GADL1: variants seen among roughly 807,000 people sequenced by gnomAD.
The protein encoded by GADL1 is GAD like acidic amino acid decarboxylase 1.
In GADL1, 71 loss-of-function variants were observed where a neutral mutation model predicts 69.5. The ratio of observed to expected loss-of-function variants is 1.02; its 90% CI spans 0.84 to 1.25. GADL1 has a LOEUF of 1.25. GADL1 is among the 50% of genes most tolerant of loss of function. The probability of loss-of-function intolerance (pLI) is 0.00; values close to 1 mark genes in which losing one functional copy is unlikely to be tolerated. For synonymous variants in GADL1, 254 were observed against 214.4 expected, an observed-to-expected ratio of 1.18 and a Z score of -1.62; for missense variants, 737 against 631.8, an observed-to-expected ratio of 1.17 and a Z score of -1.79.
Position 30,884,461 on chromosome 3 carries a change from C to T in GADL1, c.37+10117G>A, listed in dbSNP as rs183219042. On this transcript the variant is annotated intron_variant, in intron 1 of 14. Coordinates refer to ENST00000282538, the MANE Select transcript of GADL1 (RefSeq NM_207359.3). ...AACCAAATTCAGTTCCCTAAATCCA[C>T]GAGAGATGGAATCTGAGCACAGGTT... Among the ~76,000 whole-genome samples, 596 of 152,112 alleles carry T rather than the reference C, an allele frequency of 3.9e-3. 2 individuals are homozygous for T. Among genetic ancestry groups the T allele is most frequent in the African/African-American group, 0.013 (553 of 41,514 alleles).
chr3:30,783,072 C>G (rs569364023), intron 13 of GADL1, among the ~76,000 whole-genome samples: 62 of 152,248 alleles, frequency 4.1e-4, no homozygotes, highest in African/African-American at 1.5e-3. Context: ...AGGAAGTATT[C>G]AATCACAGGT....
chr3:30,780,569 CTAATA>C (rs1644532994), intron 13 of GADL1, among the ~76,000 whole-genome samples: 2 of 152,338 alleles, frequency 1.3e-5, no homozygotes, highest in Admixed American at 6.5e-5. Flanking sequence ...TGAGTGGACT[CTAATA>C]TGTCACCAAA....
intron 11 of GADL1, among the ~76,000 whole-genome samples, chr3:30,816,797 C>T (rs527598894): frequency 1.3e-5 from 2 of 152,046 alleles, no homozygotes; most frequent in African/African-American, 2.4e-5. Flanking sequence ...CCACCTGCCT[C>T]AGCCTCCCAA....
intron 3 of GADL1, 142 bp from the exon 4 acceptor site, chr3:30,854,931 A>T (rs955657721): frequency 3.6e-6 from 2 of 561,752 alleles, no homozygotes; most frequent in African/African-American, 3.8e-5. Flanking sequence ...CATTTATATG[A>T]CATTCAAAAC....
chr3:30,783,899 T>TCC (rs1696730950), intron 13 of GADL1, among the ~76,000 whole-genome samples: 1 of 152,170 alleles, frequency 6.6e-6, no homozygotes, highest in Non-Finnish European at 1.5e-5. Flanking sequence ...AAAGAACTTT[T>TCC]TAATCGGCCC....
intron 14 of GADL1, among the ~76,000 whole-genome samples, chr3:30,768,747 TCTCTGAGAATTTGACTTAG>T (rs1696347968): frequency 1.3e-5 from 2 of 152,210 alleles, no homozygotes; most frequent in African/African-American, 4.8e-5. Flanking sequence ...AACAATTTGA[TCTCTGAGAATTTGACTTAG>T]GTGAGTCTTT....
rs147792620 is a variant in GADL1, at chr3:30,890,852, G to T, written c.37+3726C>A. ...ACATACAATTTTCTGAACATAATAA[G>T]TCTATAACCTACTACCTGCCATGCA... On this transcript the variant is annotated intron_variant, in intron 1 of 14. Coordinates refer to ENST00000282538, the MANE Select transcript of GADL1 (RefSeq NM_207359.3). Among the ~76,000 whole-genome samples, 731 of 152,238 alleles carry T rather than the reference G, an allele frequency of 4.8e-3. 2 individuals are homozygous for T. The highest frequency in any genetic ancestry group is 7.6e-3 in the Non-Finnish European group (516 of 68,022).
rs767414167 is a variant in GADL1 at position 30,857,041 on chromosome 3, T to C, written c.311A>G (p.Asp104Gly). 2 of 1,549,614 alleles carry C rather than the reference T, an allele frequency of 1.3e-6. No homozygotes were observed. Among genetic ancestry groups the C allele is most frequent in the African/African-American group, 2.7e-5 (2 of 73,050 alleles). ...AGTTTTGACACTGTAGTGTATGACA[T>C]CCCGACAGAGTTCCAATAGTTTATG... ...PPHKLLELCR[D>G]VIHYSVKTNH... The change falls in exon 3 of 15, where the codon GAT (aspartate) becomes GGT (glycine). Residue 104 changes from aspartate to glycine, a missense_variant. Asp to Gly is a moderately conservative substitution (Grantham distance 94). Coordinates refer to ENST00000282538, the MANE Select transcript of GADL1 (RefSeq NM_207359.3).
intron 12 of GADL1, among the ~76,000 whole-genome samples, chr3:30,792,988 T>C (rs1696954041): frequency 6.6e-6 from 1 of 152,154 alleles, no homozygotes; most frequent in Non-Finnish European, 1.5e-5. Context: ...AAATCAACAG[T>C]GTCTGCATAT....
At position 30,850,789 on chromosome 3, in the gene GADL1, A is replaced by G. The variant is rs1019489569; in HGVS notation, c.535+46T>C. On this transcript the variant is annotated intron_variant, in intron 5 of 14. Transcript: ENST00000282538. Reference sequence around the variant, plus strand: ...AGTTGTTCCTCATGGATAAATTTTTACGTGGTTGTATTGGAAGGTTGATAT... The same window carrying G: ...AGTTGTTCCTCATGGATAAATTTTTGCGTGGTTGTATTGGAAGGTTGATAT... The G allele has an allele frequency of 4.5e-6, 5 of 1,113,650 alleles. No homozygotes were observed. In the African/African-American group the frequency reaches 7.8e-5, roughly 17 times the overall value. 69.0% of individuals were successfully genotyped at this position (1,113,650 alleles called of 1,614,324 possible).
chr3:30,877,744 A>C (rs1318091630), intron 1 of GADL1, among the ~76,000 whole-genome samples: 4 of 151,944 alleles, frequency 2.6e-5, no homozygotes, highest in Non-Finnish European at 5.9e-5. Flanking sequence ...CAAAGGAAGG[A>C]CTTTGATTTG....
intron 12 of GADL1, among the ~76,000 whole-genome samples, chr3:30,786,785 GTT>G (rs1696800271): frequency 6.6e-6 from 1 of 151,958 alleles, no homozygotes; most frequent in African/African-American, 2.4e-5. Context: ...AGAGTTTTTT[GTT>G]TTGTTTTGTT....
intron 11 of GADL1, among the ~76,000 whole-genome samples, chr3:30,817,380 T>C (rs144910137): frequency 1.1e-3 from 160 of 152,340 alleles, no homozygotes; most frequent in African/African-American, 3.7e-3. Flanking sequence ...CCACCAATCA[T>C]GGGTAAGTCA....
intron 12 of GADL1, among the ~76,000 whole-genome samples, chr3:30,787,390 C>G (rs919509093): frequency 6.6e-6 from 1 of 152,090 alleles, no homozygotes; most frequent in Non-Finnish European, 1.5e-5. Context: ...ATATTGACTC[C>G]TCTCTTCTAG....
intron 12 of GADL1, among the ~76,000 whole-genome samples, chr3:30,793,979 G>A (rs1696975356): frequency 6.6e-6 from 1 of 152,130 alleles, no homozygotes; most frequent in African/African-American, 2.4e-5. Flanking sequence ...ATTCATCACA[G>A]ACACCCACGT....
chr3:30,774,521 A>G (rs895218798), intron 14 of GADL1, among the ~76,000 whole-genome samples: 5 of 152,176 alleles, frequency 3.3e-5, no homozygotes, highest in Non-Finnish European at 4.4e-5. Flanking sequence ...AACATCACCT[A>G]CTTATAATAG....
At chr3:30,768,035 A>AACCC (rs1696324670) in intron 14 of GADL1, among the ~76,000 whole-genome samples, 3 of 142,756 alleles carry the variant, frequency 2.1e-5, no homozygotes, top group African/African-American at 8.0e-5. Context: ...AACTCCCCAT[A>AACCC]CCCCCCCCCC....
chr3:30,839,800 G>T (rs557085021), intron 8 of GADL1, among the ~76,000 whole-genome samples: 9 of 152,050 alleles, frequency 5.9e-5, no homozygotes, highest in African/African-American at 1.9e-4. Context: ...TGGCATGAAC[G>T]GGTACTGGTG....
At chr3:30,805,535 A>C (rs1054359519) in intron 11 of GADL1, among the ~76,000 whole-genome samples, 2 of 152,154 alleles carry the variant, frequency 1.3e-5, no homozygotes, top group African/African-American at 4.8e-5. Flanking sequence ...CTTTATGAAT[A>C]CTTGTGAATC....
Sources: allele counts gnomAD v4.1 joint callset (sites outside exome capture counted in the v4.1 genomes callset), GRCh38; gene constraint gnomAD v4.1.1; transcripts MANE v1.5; gene names NCBI Gene and HGNC (gene_info 2026-07-23, HGNC 2026-07-21).